ORC4: variants seen among roughly 807,000 people sequenced by gnomAD.
The protein encoded by ORC4 is origin recognition complex, subunit 4 homolog.
ORC4 carries 55 observed loss-of-function variants against 63.9 expected under a neutral mutation model. The observed-to-expected ratio is 0.86, with a 90% confidence interval of 0.69 to 1.08. The LOEUF (loss-of-function observed/expected upper bound fraction) is 1.08, where lower values mean the gene tolerates loss of function less well. Among genes scored for constraint, ORC4 ranks in the 50% least tolerant of loss-of-function variants. ORC4 has a pLI of 0.00. For synonymous variants in ORC4, 150 were observed against 168.5 expected (o/e 0.89, Z 0.85); for missense variants, 511 against 504.4 (o/e 1.01, Z -0.13).
chr2:148,003,081 T>C (rs1692414928), intron 1 of ORC4, among the ~76,000 whole-genome samples: 1 of 152,108 alleles, frequency 6.6e-6, no homozygotes, highest in African/African-American at 2.4e-5. Flanking sequence ...AATCCCTAAA[T>C]AGACCAATAG....
intron 9 of ORC4, among the ~76,000 whole-genome samples, chr2:147,945,809 A>T (rs1688630104): frequency 6.6e-6 from 1 of 152,086 alleles, no homozygotes; most frequent in Non-Finnish European, 1.5e-5. Flanking sequence ...ACTAAGAGAA[A>T]GAATAGCTCC....
chr2:147,978,657 G>C (rs1420839598), intron 1 of ORC4, among the ~76,000 whole-genome samples: 1 of 152,150 alleles, frequency 6.6e-6, no homozygotes, highest in African/African-American at 2.4e-5. Context: ...AGGCCTCTTG[G>C]TGAACAGTTT....
intron 7 of ORC4, among the ~76,000 whole-genome samples, chr2:147,954,879 G>A (rs1199230357): frequency 6.6e-6 from 1 of 151,908 alleles, no homozygotes; most frequent in Non-Finnish European, 1.5e-5. Flanking sequence ...GTTAAAGATG[G>A]TGCCTTTTAA....
At chr2:147,972,870 T>G in intron 3 of ORC4, 41 bp from the exon 4 acceptor site, 1 of 1,244,898 alleles carries the variant, frequency 8.0e-7, no homozygotes, top group Non-Finnish European at 1.2e-6. Context: ...AAAATGAAGC[T>G]GGAATACTTT....
intron 8 of ORC4, among the ~76,000 whole-genome samples, chr2:147,949,403 A>G (rs1688832672): frequency 1.3e-5 from 2 of 152,166 alleles, no homozygotes; most frequent in South Asian, 4.1e-4. Flanking sequence ...GGATTAGCAG[A>G]TTAGTGGTTG....
intron 1 of ORC4, among the ~76,000 whole-genome samples, chr2:148,001,984 A>G (rs1692339649): frequency 6.6e-6 from 1 of 152,182 alleles, no homozygotes; most frequent in Admixed American, 6.6e-5. Flanking sequence ...AACAGACTTT[A>G]AACCAACAAA....
intron 1 of ORC4, among the ~76,000 whole-genome samples, chr2:147,996,052 C>T (rs1402614227): frequency 6.6e-6 from 1 of 151,364 alleles, no homozygotes; most frequent in Non-Finnish European, 1.5e-5. Flanking sequence ...CGCCTGTAAT[C>T]CCAGTGCTTT....
At position 147,932,637 on chromosome 2, in the gene ORC4, C is replaced by T. The variant is rs1353564481; in HGVS notation, c.*2873G>A. 2 of 152,052 alleles carry T rather than the reference C, an allele frequency of 1.3e-5. No individual in the cohort carries two copies. The highest frequency in any genetic ancestry group is 1.5e-5 in the Non-Finnish European group (1 of 68,018). The allele number at this position is 152,052 out of a possible 1,614,324, so 9.4% of individuals were successfully genotyped here. On this transcript the variant is annotated 3_prime_UTR_variant, in exon 14 of 14. Coordinates refer to ENST00000392857, the MANE Select transcript of ORC4 (RefSeq NM_181741.4). ...TAATTATGGCATTTCCCTCTATTAT[C>T]GTCTAAACAGATTATATTCCCACTA... is the stretch of plus-strand genomic sequence containing the variant.
chr2:147,956,767 A>T (rs1055486240), intron 6 of ORC4, among the ~76,000 whole-genome samples: 6 of 152,136 alleles, frequency 3.9e-5, no homozygotes, highest in Non-Finnish European at 7.4e-5. Context: ...TCTATATATG[A>T]TAATAATAGC....
At chr2:148,019,938 A>C (rs1253738680) in intron 1 of ORC4, among the ~76,000 whole-genome samples, 1 of 152,224 alleles carries the variant, frequency 6.6e-6, no homozygotes, top group Non-Finnish European at 1.5e-5. Flanking sequence ...TAACCAAAGA[A>C]ACTTGACAAA....
At chr2:147,945,011 T>A (rs754348551) in intron 9 of ORC4, among the ~76,000 whole-genome samples, 40 of 151,492 alleles carry the variant, frequency 2.6e-4, no homozygotes, top group Non-Finnish European at 5.2e-4. Context: ...TTTTGGAAAT[T>A]AAAAAAAAAT....
intron 10 of ORC4, among the ~76,000 whole-genome samples, chr2:147,940,488 T>C (rs1688307410): frequency 1.3e-5 from 2 of 152,126 alleles, no homozygotes; most frequent in South Asian, 4.1e-4. Flanking sequence ...TGTGCATGTT[T>C]ATAGCAGCAA....
chr2:148,015,129 G>A (rs1164961224), intron 1 of ORC4, among the ~76,000 whole-genome samples: 4 of 148,878 alleles, frequency 2.7e-5, no homozygotes, highest in African/African-American at 7.4e-5. Context: ...AAAAAAAGAA[G>A]AAAAGAATTC....
At chr2:147,951,508 G>A (rs898665001) in intron 8 of ORC4, 1 of 152,154 alleles carries the variant, frequency 6.6e-6, no homozygotes, top group African/African-American at 2.4e-5. Context: ...GTTATAAATT[G>A]AGGTTCCAAC....
chr2:147,963,451 G>C (rs1328653386), intron 4 of ORC4, among the ~76,000 whole-genome samples: 1 of 152,148 alleles, frequency 6.6e-6, no homozygotes, highest in African/African-American at 2.4e-5. Context: ...GAATAGCCTT[G>C]TGCCTGCATC....
intron 1 of ORC4, among the ~76,000 whole-genome samples, chr2:148,006,005 A>C (rs1005952936): frequency 6.6e-6 from 1 of 152,064 alleles, no homozygotes; most frequent in African/African-American, 2.4e-5. Flanking sequence ...CACACTAACA[A>C]ACAAACAAAA....
At chr2:147,987,366 A>G (rs368120116) in intron 1 of ORC4, among the ~76,000 whole-genome samples, 1,995 of 116,378 alleles carry the variant, frequency 0.017, 31 homozygotes, top group Non-Finnish European at 0.026. Context: ...AGATATATAT[A>G]TGTGTGTGTG....
intron 10 of ORC4, among the ~76,000 whole-genome samples, chr2:147,943,071 T>G (rs1189460750): frequency 6.6e-6 from 1 of 152,050 alleles, no homozygotes; most frequent in East Asian, 1.9e-4. Flanking sequence ...ACATCATCTG[T>G]GTAGTAAGAG....
chr2:148,019,991 T>C (rs1267644111), intron 1 of ORC4, among the ~76,000 whole-genome samples: 1 of 152,174 alleles, frequency 6.6e-6, no homozygotes, highest in East Asian at 1.9e-4. Context: ...AGGGGAAACT[T>C]TGATCACGTC....
Sources: gnomAD v4.1 joint callset for allele counts (sites outside exome capture counted in the v4.1 genomes callset) on GRCh38, gnomAD v4.1.1 for gene constraint, MANE v1.5 for transcripts, NCBI Gene and HGNC (gene_info 2026-07-23, HGNC 2026-07-21) for gene names.